CCSER1: variants seen among roughly 807,000 people sequenced by gnomAD.
CCSER1 encodes coiled-coil serine rich protein 1.
A neutral mutation model predicts 82.0 loss-of-function variants in CCSER1; 41 were observed. The ratio of observed to expected loss-of-function variants is 0.50; its 90% CI spans 0.39 to 0.65. The LOEUF (loss-of-function observed/expected upper bound fraction) is 0.65, where lower values mean the gene tolerates loss of function less well. CCSER1 is among the 30% of genes least tolerant of loss of function. The pLI is 0.00. For missense variants in CCSER1, 1,119 were observed against 1,064.2 expected (o/e 1.05, Z -0.72); for synonymous variants, 414 against 383.9 (o/e 1.08, Z -0.92).
intron 6 of CCSER1, among the ~76,000 whole-genome samples, chr4:90,721,045 A>C (rs903812167): frequency 6.6e-6 from 1 of 151,950 alleles, no homozygotes; most frequent in Non-Finnish European, 1.5e-5. Flanking sequence ...TATTCATAAA[A>C]AGAAGGTGAT....
At chr4:91,043,730 A>G (rs980850786) in intron 9 of CCSER1, among the ~76,000 whole-genome samples, 1 of 151,912 alleles carries the variant, frequency 6.6e-6, no homozygotes, top group African/African-American at 2.4e-5. Context: ...AACTGGGATC[A>G]CAGGCATGTG....
At chr4:90,947,949 T>A (rs1218227958) in intron 9 of CCSER1, among the ~76,000 whole-genome samples, 2 of 152,118 alleles carry the variant, frequency 1.3e-5, no homozygotes, top group African/African-American at 4.8e-5. Context: ...TCCTAAATCA[T>A]GTGTTGTATT....
chr4:90,866,986 G>A (rs1765811950), intron 8 of CCSER1, among the ~76,000 whole-genome samples: 1 of 152,074 alleles, frequency 6.6e-6, no homozygotes, highest in Non-Finnish European at 1.5e-5. Context: ...CTCCTGTTGT[G>A]TGGCCCAGTT....
chr4:90,129,928 T>TAAA (rs951873960), intron 1 of CCSER1, among the ~76,000 whole-genome samples: 1 of 152,202 alleles, frequency 6.6e-6, no homozygotes, highest in South Asian at 2.1e-4. Flanking sequence ...AATAGGGAAT[T>TAAA]AAAAAATGTA....
intron 10 of CCSER1, among the ~76,000 whole-genome samples, chr4:91,272,357 G>A (rs1233796565): frequency 6.6e-6 from 1 of 152,090 alleles, no homozygotes; most frequent in Non-Finnish European, 1.5e-5. Context: ...CATTAGTGAT[G>A]AGCATTTTTT....
intron 8 of CCSER1, among the ~76,000 whole-genome samples, chr4:90,857,359 C>T (rs1297165967): frequency 6.6e-6 from 1 of 151,982 alleles, no homozygotes; most frequent in Non-Finnish European, 1.5e-5. Flanking sequence ...AACCTCCTTG[C>T]CACATTGATC....
At chr4:91,021,754 A>T (rs1357655552) in intron 9 of CCSER1, among the ~76,000 whole-genome samples, 1 of 152,216 alleles carries the variant, frequency 6.6e-6, no homozygotes, top group Non-Finnish European at 1.5e-5. Context: ...CGAATTAATC[A>T]TACAGCATCA....
chr4:90,364,648 A>G (rs540473278), intron 3 of CCSER1, among the ~76,000 whole-genome samples: 10 of 152,100 alleles, frequency 6.6e-5, no homozygotes, highest in Admixed American at 2.0e-4. Flanking sequence ...TTTTATTACT[A>G]TGTACTCAGC....
At chr4:90,313,491 A>AAAGGGT (rs754171117) in intron 3 of CCSER1, among the ~76,000 whole-genome samples, 6 of 152,144 alleles carry the variant, frequency 3.9e-5, no homozygotes, top group Non-Finnish European at 7.3e-5. Flanking sequence ...GCCCTTCCAC[A>AAAGGGT]AAGGGTGAGG....
At chr4:90,230,583 C>G (rs1036492244) in intron 1 of CCSER1, among the ~76,000 whole-genome samples, 3 of 151,568 alleles carry the variant, frequency 2.0e-5, no homozygotes, top group African/African-American at 7.3e-5. Flanking sequence ...AGAGCAAACA[C>G]ATTCAAAAGC....
chr4:90,482,686 G>C (rs1490581602), intron 5 of CCSER1, among the ~76,000 whole-genome samples: 1 of 152,206 alleles, frequency 6.6e-6, no homozygotes. Context: ...GCGGTTTTGA[G>C]TGAGTTTCTT....
chr4:90,897,294 C>T (rs964464784), intron 8 of CCSER1, among the ~76,000 whole-genome samples: 5 of 151,888 alleles, frequency 3.3e-5, no homozygotes, highest in African/African-American at 1.2e-4. Flanking sequence ...TCATAACCTC[C>T]CCTCTTTTGA....
chr4:90,963,841 G>A (rs1010261422), intron 9 of CCSER1, among the ~76,000 whole-genome samples: 2 of 151,872 alleles, frequency 1.3e-5, no homozygotes, highest in Non-Finnish European at 2.9e-5. Flanking sequence ...CTATTGAAAG[G>A]TTCAAGTAAA....
chr4:91,534,483 A>T (rs2110176972), intron 10 of CCSER1, among the ~76,000 whole-genome samples: 1 of 152,170 alleles, frequency 6.6e-6, no homozygotes, highest in South Asian at 2.1e-4. Context: ...CAATTCATGA[A>T]AAATCTTTGT....
At chr4:91,521,076 G>A (rs796982201) in intron 10 of CCSER1, among the ~76,000 whole-genome samples, 70 of 152,062 alleles carry the variant, frequency 4.6e-4, no homozygotes, top group African/African-American at 1.4e-3. Context: ...GATGTTCCCC[G>A]CAATGTGTCC....
chr4:90,970,913 G>GA (rs890953084), intron 9 of CCSER1, among the ~76,000 whole-genome samples: 3 of 151,120 alleles, frequency 2.0e-5, no homozygotes, highest in South Asian at 2.1e-4. Flanking sequence ...TGAATACAGT[G>GA]AAAAAAAATT....
At chr4:90,646,540 G>A (rs959611594) in intron 6 of CCSER1, among the ~76,000 whole-genome samples, 4 of 151,964 alleles carry the variant, frequency 2.6e-5, no homozygotes, top group Non-Finnish European at 5.9e-5. Context: ...ACCCAACCTT[G>A]CAAAAAAATA....
intron 5 of CCSER1, among the ~76,000 whole-genome samples, chr4:90,499,691 C>A (rs115490254): frequency 1.7e-3 from 265 of 152,120 alleles, no homozygotes; most frequent in Non-Finnish European, 3.2e-3. Context: ...TATCATAACT[C>A]CAGGAGCAGA....
At chr4:91,107,672 G>A (rs1406532225) in intron 10 of CCSER1, among the ~76,000 whole-genome samples, 4 of 140,618 alleles carry the variant, frequency 2.8e-5, no homozygotes, top group Admixed American at 1.5e-4. Context: ...TTGAAAAGAA[G>A]AAAAAATTCG....
Sources: gnomAD v4.1 joint callset for allele counts (sites outside exome capture counted in the v4.1 genomes callset) on GRCh38, gnomAD v4.1.1 for gene constraint, MANE v1.5 for transcripts, NCBI Gene and HGNC (gene_info 2026-07-23, HGNC 2026-07-21) for gene names.